Variants in POU6F2 observed in about 807,000 individuals in gnomAD.
POU6F2 encodes POU class 6 homeobox 2.
POU6F2 carries 31 observed loss-of-function variants against 71.3 expected under a neutral mutation model. That is an observed-to-expected ratio of 0.43 (90% CI 0.33 to 0.59). The LOEUF is 0.59. Among genes scored for constraint, POU6F2 ranks in the 20% least tolerant of loss-of-function variants. The pLI is 0.04. For synonymous variants in POU6F2, 347 were observed against 355.7 expected, an observed-to-expected ratio of 0.98 and a Z score of 0.27; for missense variants, 783 against 856.8, an observed-to-expected ratio of 0.91 and a Z score of 1.07.
At chr7:39,403,949 GGAACAGCAGGGCATCTCCCCA>G (rs1562817333) in intron 5 of POU6F2, among the ~76,000 whole-genome samples, 1 of 152,180 alleles carries the variant, frequency 6.6e-6, no homozygotes. Flanking sequence ...TAGTTCTACA[GGAACAGCAGGGCATCTCCCCA>G]GAACCCAGAC....
At chr7:39,285,094 G>T (rs1011695097) in intron 4 of POU6F2, among the ~76,000 whole-genome samples, 1 of 152,186 alleles carries the variant, frequency 6.6e-6, no homozygotes, top group African/African-American at 2.4e-5. Flanking sequence ...TAGTGGCTTG[G>T]CCAGAAAGCG....
At chr7:39,219,021 G>A (rs1794297724) in intron 4 of POU6F2, among the ~76,000 whole-genome samples, 1 of 152,122 alleles carries the variant, frequency 6.6e-6, no homozygotes, top group South Asian at 2.1e-4. Context: ...GAAGAGGAAG[G>A]GACAGGCACA....
intron 2 of POU6F2, among the ~76,000 whole-genome samples, chr7:39,129,575 T>G (rs1443922689): frequency 6.6e-6 from 1 of 152,222 alleles, no homozygotes; most frequent in East Asian, 1.9e-4. Context: ...ATACTCAAAC[T>G]GGTAACAATT....
At chr7:39,237,832 G>T (rs1054316282) in intron 4 of POU6F2, among the ~76,000 whole-genome samples, 1 of 152,024 alleles carries the variant, frequency 6.6e-6, no homozygotes, top group Non-Finnish European at 1.5e-5. Context: ...GTCCCTTTCT[G>T]AAATGCGGGA....
At chr7:39,016,288 T>C (rs944875231) in intron 1 of POU6F2, among the ~76,000 whole-genome samples, 3 of 149,518 alleles carry the variant, frequency 2.0e-5, no homozygotes. Flanking sequence ...AACAACTATT[T>C]ATTGAATTTC....
At chr7:39,068,755 G>T (rs1374598042) in intron 1 of POU6F2, among the ~76,000 whole-genome samples, 3 of 152,138 alleles carry the variant, frequency 2.0e-5, no homozygotes, top group Admixed American at 2.0e-4. Flanking sequence ...GCTGTGTATT[G>T]CTGTGGCCTG....
chr7:39,070,299 A>G (rs10951592), intron 1 of POU6F2, among the ~76,000 whole-genome samples: 9,940 of 152,104 alleles, frequency 0.065, 604 homozygotes, highest in African/African-American at 0.15. Context: ...CAGCTTTTTT[A>G]TGGCCCAGTA....
intron 4 of POU6F2, among the ~76,000 whole-genome samples, chr7:39,294,872 G>A (rs1784818970): frequency 1.3e-5 from 2 of 152,120 alleles, no homozygotes; most frequent in African/African-American, 4.8e-5. Flanking sequence ...ATGCTTGCTG[G>A]ACTGAGCCCA....
intron 8 of POU6F2, among the ~76,000 whole-genome samples, chr7:39,456,815 A>G (rs1227424328): frequency 1.3e-5 from 2 of 152,232 alleles, no homozygotes; most frequent in Non-Finnish European, 2.9e-5. Context: ...AAGAATTTCT[A>G]TTTTATCACG....
At chr7:39,207,250 AT>A (rs766736789) in intron 3 of POU6F2, 141 bp from the exon 4 acceptor site, 617 of 633,142 alleles carry the variant, frequency 9.7e-4, no homozygotes, top group South Asian at 1.7e-3. Flanking sequence ...TCTACCAATC[AT>A]TTTTTTTTAA....
chr7:39,362,813 C>T (rs1786418021), intron 5 of POU6F2, among the ~76,000 whole-genome samples: 4 of 152,076 alleles, frequency 2.6e-5, no homozygotes, highest in African/African-American at 9.7e-5. Context: ...CGACATCTCT[C>T]CTGGGACCAG....
At chr7:39,025,907 AAAAC>A (rs1365897652) in intron 1 of POU6F2, among the ~76,000 whole-genome samples, 6 of 152,276 alleles carry the variant, frequency 3.9e-5, no homozygotes, top group South Asian at 4.1e-4. Flanking sequence ...TTACAAGAAA[AAAAC>A]AAACAACCCC....
At chr7:39,419,351 G>A (rs1318032885) in intron 6 of POU6F2, among the ~76,000 whole-genome samples, 2 of 151,596 alleles carry the variant, frequency 1.3e-5, no homozygotes, top group East Asian at 3.9e-4. Flanking sequence ...CGATTCTCCT[G>A]CCTCAGTCTC....
At chr7:38,986,974 GATTT>G (rs1185744011) in intron 1 of POU6F2, among the ~76,000 whole-genome samples, 2 of 152,082 alleles carry the variant, frequency 1.3e-5, no homozygotes, top group Admixed American at 6.6e-5. Context: ...GATATACAGT[GATTT>G]ATTTAACCAG....
At chr7:39,154,423 A>G (rs1002403558) in intron 2 of POU6F2, among the ~76,000 whole-genome samples, 5 of 152,214 alleles carry the variant, frequency 3.3e-5, no homozygotes, top group African/African-American at 1.2e-4. Flanking sequence ...TTGCTTAGTT[A>G]CTAGCACAGC....
chr7:39,289,136 A>T (rs1784701885), intron 4 of POU6F2, among the ~76,000 whole-genome samples: 1 of 151,948 alleles, frequency 6.6e-6, no homozygotes. Flanking sequence ...ACCCCTCCTC[A>T]TTGGTTCCTC....
chr7:39,023,394 A>G (rs114467787), intron 1 of POU6F2, among the ~76,000 whole-genome samples: 1,612 of 152,142 alleles, frequency 0.011, 31 homozygotes, highest in African/African-American at 0.036. Flanking sequence ...CTTGGCTAAG[A>G]TGCTTCCCCA....
At chr7:39,344,902 A>G (rs1040704033) in intron 5 of POU6F2, among the ~76,000 whole-genome samples, 5 of 152,170 alleles carry the variant, frequency 3.3e-5, no homozygotes, top group African/African-American at 1.2e-4. Context: ...CTCTACCTAC[A>G]CAGGGCTAAA....
rs201463016 is a variant in POU6F2 at position 39,406,583 on chromosome 7, C to A, written c.973-17C>A. ...GCCTCTCGGTGGTTTTCACGGTGATCTTTTCTCTCTTTGCAGCTGGTTAAT... is the reference window on the plus strand; with the variant it reads ...GCCTCTCGGTGGTTTTCACGGTGATATTTTCTCTCTTTGCAGCTGGTTAAT... On this transcript the variant is annotated splice_polypyrimidine_tract_variant and intron_variant, in intron 5 of 9. Coordinates refer to ENST00000518318, the MANE Select transcript of POU6F2 (RefSeq NM_001370959.1). 2 of 1,603,060 alleles carry A rather than the reference C, an allele frequency of 1.2e-6. No individual in the cohort carries two copies. Among genetic ancestry groups the A allele is most frequent in the African/African-American group, 2.7e-5 (2 of 73,728 alleles).
Sources: gnomAD v4.1 joint callset for allele counts (sites outside exome capture counted in the v4.1 genomes callset) on GRCh38, gnomAD v4.1.1 for gene constraint, MANE v1.5 for transcripts, NCBI Gene and HGNC (gene_info 2026-07-23, HGNC 2026-07-21) for gene names.